Variants in KMT2C observed in about 807,000 individuals in gnomAD.
KMT2C encodes the protein lysine methyltransferase 2C, also known as histone-lysine N-methyltransferase 2C.
Under a neutral mutation model 507.9 loss-of-function variants are expected in KMT2C, and 88 were observed. The ratio of observed to expected loss-of-function variants is 0.17; its 90% CI spans 0.15 to 0.21. The LOEUF (loss-of-function observed/expected upper bound fraction) is 0.21, where lower values mean the gene tolerates loss of function less well. Among genes scored for constraint, KMT2C ranks in the 10% least tolerant of loss-of-function variants. The pLI, the probability that KMT2C is intolerant of heterozygous loss-of-function variation, is 1.00. For synonymous variants in KMT2C, 2,049 were observed against 2,080.8 expected, an observed-to-expected ratio of 0.98 and a Z score of 0.42; for missense variants, 4,954 against 5,957.8, an observed-to-expected ratio of 0.83 and a Z score of 5.55.
chr7:152,320,086 G>A (rs189833922), intron 3 of KMT2C, among the ~76,000 whole-genome samples: 8 of 152,052 alleles, frequency 5.3e-5, no homozygotes, highest in Non-Finnish European at 1.0e-4. Flanking sequence ...CTATACTCTC[G>A]TCTCCGCACA....
intron 23 of KMT2C, 31 bp downstream of exon 23, chr7:152,220,492 A>G (rs1472147084): frequency 6.8e-7 from 1 of 1,474,774 alleles, no homozygotes; most frequent in African/African-American, 1.4e-5. Flanking sequence ...ATTCTTGCAC[A>G]CATATTTCAT....
At chr7:152,172,832 C>T (rs540902343) in intron 39 of KMT2C, among the ~76,000 whole-genome samples, 1 of 152,280 alleles carries the variant, frequency 6.6e-6, no homozygotes, top group South Asian at 2.1e-4. Flanking sequence ...GTGTTGCAGG[C>T]ACCTAATAGA....
intron 2 of KMT2C, among the ~76,000 whole-genome samples, chr7:152,334,338 G>A (rs2129214679): frequency 6.6e-6 from 1 of 152,288 alleles, no homozygotes. Context: ...TGTAATCCCA[G>A]CTATTCAGAA....
At chr7:152,297,068 AGAGAGAGAGAGAGAGAGAGAGAG>A in intron 6 of KMT2C, among the ~76,000 whole-genome samples, 1 of 118,880 alleles carries the variant, frequency 8.4e-6, no homozygotes, top group African/African-American at 4.3e-5. Context: ...AGAGAGAGAG[AGAGAGAGAGAGAGAGAGAGAGAG>A]AGAAAGAAAG....
chr7:152,274,688 G>C (rs796707592), intron 6 of KMT2C, among the ~76,000 whole-genome samples: 1 of 151,976 alleles, frequency 6.6e-6, no homozygotes, highest in African/African-American at 2.4e-5. Flanking sequence ...GAGTTTGATG[G>C]GCCCTGTACT....
At chr7:152,280,990 CTGAGTCCA>C (rs2096198798) in intron 6 of KMT2C, among the ~76,000 whole-genome samples, 1 of 152,144 alleles carries the variant, frequency 6.6e-6, no homozygotes, top group Non-Finnish European at 1.5e-5. Flanking sequence ...GGCAAGCTTT[CTGAGTCCA>C]CAAAAGTGCC....
intron 6 of KMT2C, among the ~76,000 whole-genome samples, chr7:152,288,064 T>C (rs1438418482): frequency 1.3e-5 from 2 of 148,802 alleles, no homozygotes; most frequent in East Asian, 2.0e-4. Context: ...AAACATACTT[T>C]TGAAACAAAG....
At chr7:152,351,787 T>C (rs971528488) in intron 2 of KMT2C, among the ~76,000 whole-genome samples, 1 of 152,016 alleles carries the variant, frequency 6.6e-6, no homozygotes, top group African/African-American at 2.4e-5. Context: ...AATACCCTTG[T>C]GATTTCCTAT....
Position 152,156,073 on chromosome 7 carries a change from C to T in KMT2C, c.11813-16G>A, listed in dbSNP as rs756467583. 2 of 1,595,826 alleles carry T rather than the reference C, an allele frequency of 1.3e-6. No homozygotes were observed. Among genetic ancestry groups the T allele is most frequent in the Non-Finnish European group, 1.7e-6 (2 of 1,173,004 alleles). The stretch of plus-strand genomic sequence containing the variant: ...GTTTTGGTAACTGGAAAAGCAAAAA[C>T]ACAAAACCATAAATACATTCAGTCA... On this transcript the variant is annotated splice_polypyrimidine_tract_variant and intron_variant, in intron 45 of 58. Coordinates refer to ENST00000262189, the MANE Select transcript of KMT2C (RefSeq NM_170606.3).
chr7:152,212,684 C>T (rs1026948806), intron 23 of KMT2C, among the ~76,000 whole-genome samples: 2 of 151,950 alleles, frequency 1.3e-5, no homozygotes, highest in Non-Finnish European at 2.9e-5. Context: ...CACTGAGGAA[C>T]AAATTTAATG....
intron 1 of KMT2C, among the ~76,000 whole-genome samples, chr7:152,388,932 G>C (rs2097461199): frequency 1.3e-5 from 2 of 151,790 alleles, no homozygotes; most frequent in South Asian, 4.1e-4. Context: ...ATTTTTAGTA[G>C]AGACAGGGTT....
In KMT2C at chr7:152,138,307, G is replaced by A. The variant is rs768245471; in HGVS notation, c.14643+489C>T. ...CACACCTGAACTGCTGAAGAATGTG[G>A]CGATGTGGGCACTTGGTTAAGCACA... On this transcript the variant is annotated intron_variant, in intron 58 of 58. Transcript: ENST00000262189. The surrounding 1 kb of genome is among the most constrained non-coding windows in gnomAD (Gnocchi z 4.2). 1.2e-4 allele frequency: 19 copies of A among 154,574 alleles called. No homozygotes were observed. Among genetic ancestry groups the A allele is most frequent in the Non-Finnish European group, 2.3e-4 (16 of 69,556 alleles). The allele number at this position is 154,574 out of a possible 1,614,324, so 9.6% of individuals were successfully genotyped here.
intron 55 of KMT2C, among the ~76,000 whole-genome samples, chr7:152,143,334 C>G (rs1267279104): frequency 3.3e-5 from 5 of 152,146 alleles, no homozygotes; most frequent in African/African-American, 1.2e-4. Context: ...GAAAGATTAG[C>G]AGATAAAGTA....
chr7:152,416,115 A>G (rs903535350), intron 1 of KMT2C, among the ~76,000 whole-genome samples: 5 of 152,142 alleles, frequency 3.3e-5, no homozygotes, highest in African/African-American at 7.2e-5. Flanking sequence ...AGGGCTGGGC[A>G]TGGTGGCTTA....
chr7:152,197,345 G>C (rs1179215324), intron 27 of KMT2C, among the ~76,000 whole-genome samples: 1 of 152,140 alleles, frequency 6.6e-6, no homozygotes, highest in Non-Finnish European at 1.5e-5. Context: ...ATTCAGTAAA[G>C]AGAAACTGAA....
intron 3 of KMT2C, among the ~76,000 whole-genome samples, chr7:152,320,791 T>C (rs1036858569): frequency 2.0e-5 from 3 of 152,018 alleles, no homozygotes; most frequent in African/African-American, 7.2e-5. Context: ...CGGTTCACAT[T>C]CTTTTCAAGT....
chr7:152,251,022 T>G, intron 11 of KMT2C, 56 bp from the exon 12 acceptor site: 1 of 958,898 alleles, frequency 1.0e-6, no homozygotes, highest in South Asian at 1.4e-5. Context: ...CTTTGTTCAT[T>G]AAGTCAACAA....
chr7:152,361,821 G>A (rs1408389177), intron 1 of KMT2C, among the ~76,000 whole-genome samples: 2 of 151,960 alleles, frequency 1.3e-5, no homozygotes, highest in Non-Finnish European at 2.9e-5. Flanking sequence ...ATTACATAAA[G>A]CAAACATTTA....
intron 1 of KMT2C, among the ~76,000 whole-genome samples, chr7:152,427,006 T>G (rs570477722): frequency 6.6e-6 from 1 of 151,572 alleles, no homozygotes; most frequent in African/African-American, 2.4e-5. Context: ...CCCCAGAGTT[T>G]TTTTTTGTTT....
Sources: allele counts gnomAD v4.1 joint callset (sites outside exome capture counted in the v4.1 genomes callset), GRCh38; gene constraint gnomAD v4.1.1; non-coding constraint Gnocchi (gnomAD v3.1); transcripts MANE v1.5; gene names NCBI Gene and HGNC (gene_info 2026-07-23, HGNC 2026-07-21).